The following GPSM2 variants were observed in gnomAD, a reference collection of about 807,000 sequenced individuals.
GPSM2 encodes G protein signaling modulator 2, also known as G protein-signaling modulator 2.
A neutral mutation model predicts 78.4 loss-of-function variants in GPSM2; 58 were observed. The observed-to-expected ratio is 0.74, with a 90% CI of 0.60 to 0.92. The LOEUF is 0.92. Among genes scored for constraint, GPSM2 ranks in the 40% least tolerant of loss-of-function variants. GPSM2 has a pLI of 0.00. For missense variants in GPSM2, 700 were observed against 815.5 expected, an observed-to-expected ratio of 0.86 and a Z score of 1.73; for synonymous variants, 224 against 280.2, an observed-to-expected ratio of 0.80 and a Z score of 2.00.
chr1:108,877,693 G>C (rs1051490163), intron 1 of GPSM2: 1 of 152,054 alleles, frequency 6.6e-6, no homozygotes, highest in African/African-American at 2.4e-5. Flanking sequence ...GCAAATACCT[G>C]CCTTGACCGT....
chr1:108,928,336 A>G (rs1253690105), intron 14 of GPSM2, among the ~76,000 whole-genome samples: 1 of 152,258 alleles, frequency 6.6e-6, no homozygotes, highest in Non-Finnish European at 1.5e-5. Context: ...ACATTCAATC[A>G]GAGGAAGTCT....
rs1372544438 is a variant in GPSM2, at chr1:108,877,236, C to G, written c.-249+8C>G. ...CCCGCCCGCCCGCGGGAGGTGAGCG[C>G]TTCCGCGACGCGGGTTCTGAGGCGT... On this transcript the variant is annotated splice_region_variant and intron_variant, in intron 1 of 14. Transcript: ENST00000264126. 6.6e-6 allele frequency: 1 copy of G among 152,132 alleles called. No individual in the cohort carries two copies. The highest frequency in any genetic ancestry group is 1.5e-5 in the Non-Finnish European group (1 of 68,068). 9.4% of individuals were successfully genotyped at this position (152,132 alleles called of 1,614,324 possible). A position where few individuals can be genotyped will look rare whatever the true frequency, so the allele number is the denominator to read the frequency against.
intron 2 of GPSM2, among the ~76,000 whole-genome samples, chr1:108,891,114 A>G (rs1381274517): frequency 1.3e-5 from 2 of 152,208 alleles, no homozygotes; most frequent in African/African-American, 2.4e-5. Flanking sequence ...GTAATTATTG[A>G]CGTTGAAAGA....
intron 4 of GPSM2, 24 bp downstream of exon 4, chr1:108,897,651 AG>A: frequency 6.2e-7 from 1 of 1,601,820 alleles, no homozygotes; most frequent in Non-Finnish European, 8.6e-7. Flanking sequence ...ATTAGATGGT[AG>A]GCCTAATATT....
intron 10 of GPSM2, among the ~76,000 whole-genome samples, chr1:108,905,876 T>C (rs79893533): frequency 0.025 from 3,743 of 152,348 alleles, 158 homozygotes; most frequent in African/African-American, 0.085. Flanking sequence ...GAATTTTTAA[T>C]ATTACTTAAC....
At chr1:108,897,130 T>A in intron 3 of GPSM2, 45 bp downstream of exon 3, 1 of 1,332,080 alleles carries the variant, frequency 7.5e-7, no homozygotes, top group Non-Finnish European at 1.1e-6. Context: ...TGAAATTAGC[T>A]ATTACTTTAA....
intron 11 of GPSM2, among the ~76,000 whole-genome samples, chr1:108,915,235 G>A (rs1570938109): frequency 1.3e-5 from 2 of 151,046 alleles, no homozygotes; most frequent in African/African-American, 2.4e-5. Flanking sequence ...GCTGGGTGTG[G>A]TGGTGTCCGC....
intron 14 of GPSM2, among the ~76,000 whole-genome samples, chr1:108,925,792 T>C (rs1015785043): frequency 6.6e-5 from 10 of 151,886 alleles, no homozygotes; most frequent in Non-Finnish European, 1.5e-4. Flanking sequence ...AATGGACCAT[T>C]AGCTAGAAAA....
At chr1:108,913,884 TAAAATA>T (rs946594461) in intron 10 of GPSM2, among the ~76,000 whole-genome samples, 2 of 152,202 alleles carry the variant, frequency 1.3e-5, no homozygotes, top group African/African-American at 4.8e-5. Context: ...AATGAGATCT[TAAAATA>T]GAAAGGGGTA....
At chr1:108,887,287 G>A (rs750897193) in intron 2 of GPSM2, among the ~76,000 whole-genome samples, 42 of 152,158 alleles carry the variant, frequency 2.8e-4, no homozygotes, top group Non-Finnish European at 5.4e-4. Context: ...TTAAGGAGGA[G>A]AAAGAGGCCT....
At chr1:108,882,490 G>GA in intron 1 of GPSM2, 1 of 152,126 alleles carries the variant, frequency 6.6e-6, no homozygotes, top group South Asian at 2.1e-4. Context: ...CAATGCCAAG[G>GA]AAAAAAGTCT....
In GPSM2 at chr1:108,913,989, T is replaced by A. The variant is rs146431885; in HGVS notation, c.1193-349T>A. 7.8e-3 allele frequency among the ~76,000 whole-genome samples: 1,188 copies of A among 152,282 alleles called. 5 individuals carry two copies. Among genetic ancestry groups the A allele is most frequent in the South Asian group, 0.012 (59 of 4,824 alleles). On this transcript the variant is annotated intron_variant, in intron 10 of 14. Transcript: ENST00000264126. ...GGCCTACAGCCTTTTCCTTCTGTTA[T>A]AAGGAATAAACTGCTCTACAGATTG...
chr1:108,878,175 C>T (rs565839465), intron 1 of GPSM2, among the ~76,000 whole-genome samples: 1 of 152,182 alleles, frequency 6.6e-6, no homozygotes, highest in South Asian at 2.1e-4. Flanking sequence ...TCTCACTATT[C>T]AGGAGCAGCT....
chr1:108,912,708 C>T (rs1052802740), intron 10 of GPSM2, among the ~76,000 whole-genome samples: 7 of 151,764 alleles, frequency 4.6e-5, no homozygotes, highest in African/African-American at 1.7e-4. Flanking sequence ...TGCGCCACTG[C>T]ACTCCAGCCT....
chr1:108,904,008 T>C (rs1649032557), intron 9 of GPSM2, 117 bp from the exon 10 acceptor site: 3 of 743,674 alleles, frequency 4.0e-6, no homozygotes, highest in South Asian at 1.6e-5. Flanking sequence ...AATTCTAATA[T>C]AACTATTTTC....
chr1:108,924,263 A>G (rs1160799495), intron 14 of GPSM2, 49 bp downstream of exon 14: 1 of 1,075,986 alleles, frequency 9.3e-7, no homozygotes, highest in South Asian at 1.3e-5. Context: ...GATACCACTG[A>G]AAACATTGGT....
At chr1:108,897,912 C>T (rs1201876906) in intron 4 of GPSM2, 47 bp from the exon 5 acceptor site, 5 of 1,594,008 alleles carry the variant, frequency 3.1e-6, no homozygotes, top group Admixed American at 1.7e-5. Flanking sequence ...TATGATAAAC[C>T]TGACCTCTGT....
chr1:108,893,829 C>T lies in GPSM2; in HGVS notation c.57-3035C>T, dbSNP rs373400946. 3.0e-4 allele frequency among the ~76,000 whole-genome samples: 45 copies of T among 151,978 alleles called. No homozygotes were observed. The East Asian group carries it at 6.2e-3, about 21-fold the overall frequency. On this transcript the variant is annotated intron_variant, in intron 2 of 14. Transcript: ENST00000264126. ...CAGCACTTTGAGAGGCTGAGGCAGGCGGATCTCCTGAGGTCAGGAGTTGGA... is the reference window on the plus strand; with the variant it reads ...CAGCACTTTGAGAGGCTGAGGCAGGTGGATCTCCTGAGGTCAGGAGTTGGA...
chr1:108,916,644 C>T (rs1300710765), intron 11 of GPSM2, among the ~76,000 whole-genome samples: 1 of 152,164 alleles, frequency 6.6e-6, no homozygotes, highest in Admixed American at 6.5e-5. Flanking sequence ...CTTCTGCCTA[C>T]CTATGTAGTG....
Sources: allele counts gnomAD v4.1 joint callset (sites outside exome capture counted in the v4.1 genomes callset), GRCh38; gene constraint gnomAD v4.1.1; transcripts MANE v1.5; gene names NCBI Gene and HGNC (gene_info 2026-07-23, HGNC 2026-07-21).